The following TMEM108 variants were observed in gnomAD, a reference collection of about 807,000 sequenced individuals.
The protein encoded by TMEM108 is cancer/testis antigen 124.
In TMEM108, 12 loss-of-function variants were observed where a neutral mutation model predicts 35.1. The ratio of observed to expected loss-of-function variants is 0.34; its 90% CI spans 0.22 to 0.55. TMEM108 has a LOEUF of 0.55. Among genes scored for constraint, TMEM108 ranks in the 20% least tolerant of loss-of-function variants. The pLI, the probability that TMEM108 is intolerant of heterozygous loss-of-function variation, is 0.89. For missense variants in TMEM108, 680 were observed against 753.3 expected (o/e 0.90, Z 1.14); for synonymous variants, 287 against 308.6 (o/e 0.93, Z 0.73).
At chr3:133,387,200 G>A in intron 4 of TMEM108, 1 of 985,456 alleles carries the variant, frequency 1.0e-6, no homozygotes, top group Non-Finnish European at 1.2e-6. Flanking sequence ...AGCATCCATT[G>A]TGTGTCAGGC....
intron 2 of TMEM108, among the ~76,000 whole-genome samples, chr3:133,185,274 G>C (rs554022273): frequency 6.6e-6 from 1 of 152,088 alleles, no homozygotes; most frequent in Non-Finnish European, 1.5e-5. Context: ...GATGTTTTAA[G>C]CTTCTTTCCG....
At chr3:133,156,681 G>A (rs548098276) in intron 2 of TMEM108, among the ~76,000 whole-genome samples, 1 of 152,278 alleles carries the variant, frequency 6.6e-6, no homozygotes, top group East Asian at 1.9e-4. Flanking sequence ...TGTCATTTGT[G>A]ATGTACAAAA....
chr3:133,285,861 G>A (rs973134327), intron 3 of TMEM108, among the ~76,000 whole-genome samples: 1 of 152,124 alleles, frequency 6.6e-6, no homozygotes, highest in Admixed American at 6.5e-5. Context: ...TGTTTATCTT[G>A]TTTTGCAGTC....
At chr3:133,138,578 C>T (rs908211980) in intron 2 of TMEM108, among the ~76,000 whole-genome samples, 2 of 151,888 alleles carry the variant, frequency 1.3e-5, no homozygotes, top group Non-Finnish European at 2.9e-5. Flanking sequence ...TTGTCTTCTT[C>T]GAGTGTGGCC....
intron 1 of TMEM108, among the ~76,000 whole-genome samples, chr3:133,042,647 A>C (rs1173402837): frequency 6.6e-6 from 1 of 152,214 alleles, no homozygotes; most frequent in Non-Finnish European, 1.5e-5. Flanking sequence ...GTGGTTGTGC[A>C]TTACCTTAGG....
At chr3:133,093,507 A>G (rs1182553424) in intron 2 of TMEM108, among the ~76,000 whole-genome samples, 1 of 152,152 alleles carries the variant, frequency 6.6e-6, no homozygotes, top group South Asian at 2.1e-4. Context: ...TGTTATGTAT[A>G]TGGTCTTGGC....
chr3:133,176,899 C>CA (rs1332955887), intron 2 of TMEM108, among the ~76,000 whole-genome samples: 1 of 151,912 alleles, frequency 6.6e-6, no homozygotes, highest in African/African-American at 2.4e-5. Flanking sequence ...AAAAGATCAA[C>CA]AAAATTGATA....
chr3:133,160,694 C>T (rs947150057), intron 2 of TMEM108, among the ~76,000 whole-genome samples: 1 of 152,348 alleles, frequency 6.6e-6, no homozygotes, highest in Middle Eastern at 3.4e-3. Context: ...CTATCTGTGC[C>T]TTCAAACCTC....
chr3:133,056,562 T>C lies in TMEM108; in HGVS notation c.-47+10542T>C, dbSNP rs111952035. Among the ~76,000 whole-genome samples the C allele has an allele frequency of 7.9e-5, 12 of 152,314 alleles. 1 individual carries two copies. Among genetic ancestry groups the C allele is most frequent in the African/African-American group, 2.9e-4 (12 of 41,554 alleles). On this transcript the variant is annotated intron_variant, in intron 2 of 5. Coordinates refer to ENST00000321871, the MANE Select transcript of TMEM108 (RefSeq NM_023943.4). ...TTTTCATCCCAACAGTATGCATACG[T>C]GCTTGCTGATGAAGTTATTGAACAT...
At chr3:133,323,524 G>T (rs1384742000) in intron 3 of TMEM108, among the ~76,000 whole-genome samples, 4 of 152,206 alleles carry the variant, frequency 2.6e-5, no homozygotes, top group Non-Finnish European at 5.9e-5. Context: ...AGAAATTATA[G>T]ATGACACCAA....
chr3:133,383,183 C>G (rs771598892), intron 4 of TMEM108, among the ~76,000 whole-genome samples: 1 of 152,204 alleles, frequency 6.6e-6, no homozygotes, highest in Non-Finnish European at 1.5e-5. Flanking sequence ...TTACATGTGT[C>G]TAGGATGCTC....
chr3:133,376,596 A>C (rs528868438), intron 3 of TMEM108, among the ~76,000 whole-genome samples: 1 of 152,152 alleles, frequency 6.6e-6, no homozygotes, highest in Non-Finnish European at 1.5e-5. Flanking sequence ...GCCCTTGATC[A>C]GTGAATATGG....
intron 3 of TMEM108, among the ~76,000 whole-genome samples, chr3:133,361,621 A>G (rs564881432): frequency 4.4e-4 from 67 of 152,230 alleles, no homozygotes; most frequent in African/African-American, 1.6e-3. Flanking sequence ...TTGCCCACTC[A>G]CATGTCTGGC....
At chr3:133,094,214 A>ACCCCCCCCCCCC (rs1943982894) in intron 2 of TMEM108, among the ~76,000 whole-genome samples, 3 of 35,196 alleles carry the variant, frequency 8.5e-5, no homozygotes, top group African/African-American at 2.1e-4. Context: ...TCCCCTTCCC[A>ACCCCCCCCCCCC]CCTCCCACCC....
intron 5 of TMEM108, among the ~76,000 whole-genome samples, chr3:133,392,980 C>T (rs1294761521): frequency 2.0e-5 from 3 of 152,236 alleles, no homozygotes; most frequent in Non-Finnish European, 2.9e-5. Context: ...CTCTTCTCTA[C>T]ATTTTGAATA....
chr3:133,176,142 C>T (rs1321899081), intron 2 of TMEM108, among the ~76,000 whole-genome samples: 2 of 152,194 alleles, frequency 1.3e-5, no homozygotes, highest in Non-Finnish European at 1.5e-5. Flanking sequence ...TACATATGCA[C>T]CCAATACAGG....
At chr3:133,246,936 G>A (rs969269597) in intron 3 of TMEM108, 2 of 152,204 alleles carry the variant, frequency 1.3e-5, no homozygotes, top group African/African-American at 2.4e-5. Context: ...AACATCAGAT[G>A]TCACAGGCTT....
chr3:133,289,571 C>T (rs1172623588), intron 3 of TMEM108, among the ~76,000 whole-genome samples: 1 of 152,126 alleles, frequency 6.6e-6, no homozygotes, highest in Non-Finnish European at 1.5e-5. Context: ...TCATTGAGGG[C>T]AAGCACCATG....
intron 5 of TMEM108, among the ~76,000 whole-genome samples, chr3:133,392,793 G>A (rs1335637169): frequency 6.6e-6 from 1 of 152,084 alleles, no homozygotes; most frequent in Non-Finnish European, 1.5e-5. Flanking sequence ...CTCATTGCCT[G>A]CACCTCTGCC....
Sources: allele counts gnomAD v4.1 joint callset (sites outside exome capture counted in the v4.1 genomes callset), GRCh38; gene constraint gnomAD v4.1.1; transcripts MANE v1.5; gene names NCBI Gene and HGNC (gene_info 2026-07-23, HGNC 2026-07-21).